HIVEP1: variants seen among roughly 807,000 people sequenced by gnomAD.
HIVEP1 encodes the protein zinc finger protein 40.
In HIVEP1, 36 loss-of-function variants were observed where a neutral mutation model predicts 180.0. The ratio of observed to expected loss-of-function variants is 0.20; its 90% CI spans 0.15 to 0.26. HIVEP1 has a LOEUF of 0.26. Among genes scored for constraint, HIVEP1 ranks in the 10% least tolerant of loss-of-function variants. The probability of loss-of-function intolerance (pLI) is 1.00; values close to 1 mark genes in which losing one functional copy is unlikely to be tolerated. For synonymous variants in HIVEP1, 1,239 were observed against 1,239.0 expected (o/e 1.00, Z 0.00); for missense variants, 3,143 against 3,268.7 (o/e 0.96, Z 0.94).
In HIVEP1 at chr6:12,121,916, C is replaced by T. The variant is rs376074096; in HGVS notation, c.2121C>T (p.Asn707=). The T allele has an allele frequency of 3.3e-5, 53 of 1,614,018 alleles. 2 individuals carry two copies. The highest frequency in any genetic ancestry group is 2.9e-4 in the South Asian group (26 of 91,084). The part of the protein sequence containing the change: ...PSTEQDSGRS[N]GPSAALVTTS... The stretch of plus-strand genomic sequence containing the variant: ...CAGAACAAGACTCTGGAAGGAGTAA[C>T]GGACCCTCTGCAGCTCTTGTCACCA... Residue 707 remains asparagine (N), a synonymous_variant, in exon 4 of 9, where the codon AAC becomes AAT. Transcript: ENST00000379388. This position sits in a 1 kb window ranked among gnomAD's most constrained non-coding sequence, Gnocchi z 5.3.
chr6:12,037,877 CTT>C (rs754239009), intron 2 of HIVEP1: 216 of 330,346 alleles, frequency 6.5e-4, no homozygotes, highest in South Asian at 1.6e-3. Flanking sequence ...TGCCTAGCTA[CTT>C]TTTTTTTTTG....
At chr6:12,156,238 A>G (rs1487812748) in intron 7 of HIVEP1, among the ~76,000 whole-genome samples, 2 of 152,096 alleles carry the variant, frequency 1.3e-5, no homozygotes, top group African/African-American at 2.4e-5. Flanking sequence ...GTTGTGCAGA[A>G]GCTCTGCAGT....
chr6:12,064,938 A>G (rs1458234977), intron 2 of HIVEP1, among the ~76,000 whole-genome samples: 1 of 152,218 alleles, frequency 6.6e-6, no homozygotes, highest in African/African-American at 2.4e-5. Context: ...CATATTGAGC[A>G]TATGCTGTGT....
chr6:12,175,119 C>G, the HIVEP1 span, among the ~76,000 whole-genome samples: 1 of 152,120 alleles, frequency 6.6e-6, no homozygotes. Flanking sequence ...AATACTATCT[C>G]AAGGCTTGTC....
intron 2 of HIVEP1, among the ~76,000 whole-genome samples, chr6:12,041,414 T>A (rs1273948313): frequency 1.2e-5 from 1 of 85,030 alleles, no homozygotes; most frequent in Admixed American, 1.9e-4. Context: ...AGAGCGAGAC[T>A]CCGTCTAAAA....
chr6:12,155,403 C>T (rs1581797569), intron 7 of HIVEP1, among the ~76,000 whole-genome samples: 1 of 151,626 alleles, frequency 6.6e-6, no homozygotes, highest in East Asian at 1.9e-4. Context: ...TCTTCCCCCA[C>T]ACCCCTATCA....
chr6:12,171,925 C>T, the HIVEP1 span, among the ~76,000 whole-genome samples: 4 of 152,104 alleles, frequency 2.6e-5, no homozygotes, highest in African/African-American at 9.7e-5. Context: ...CTTAGCTGTT[C>T]ACCCCTCCAC....
At chr6:12,078,366 A>G (rs1029241390) in intron 2 of HIVEP1, among the ~76,000 whole-genome samples, 8 of 152,122 alleles carry the variant, frequency 5.3e-5, no homozygotes, top group Non-Finnish European at 1.0e-4. Context: ...CAGTAGACCA[A>G]GCTTTTCTCA....
At chr6:12,092,811 A>C (rs958545933) in intron 3 of HIVEP1, among the ~76,000 whole-genome samples, 1 of 152,236 alleles carries the variant, frequency 6.6e-6, no homozygotes, top group Non-Finnish European at 1.5e-5. Context: ...TTATTTAAAC[A>C]AAGAATGATT....
chr6:12,128,469 T>A (rs189810750), intron 4 of HIVEP1, among the ~76,000 whole-genome samples: 2 of 152,296 alleles, frequency 1.3e-5, no homozygotes, highest in African/African-American at 4.8e-5. Context: ...ACAATGTAAT[T>A]TCTTAAAGGA....
chr6:12,062,412 A>G (rs1367277204), intron 2 of HIVEP1, among the ~76,000 whole-genome samples: 4 of 152,092 alleles, frequency 2.6e-5, no homozygotes, highest in African/African-American at 9.7e-5. Context: ...AACATTTATG[A>G]GTTATTAGAT....
chr6:12,106,365 G>C (rs989986454), intron 3 of HIVEP1, among the ~76,000 whole-genome samples: 4 of 151,668 alleles, frequency 2.6e-5, no homozygotes, highest in Admixed American at 6.6e-5. Context: ...TTTTTTTTCC[G>C]GGGGATGGTG....
At chr6:12,162,018 T>C (rs1581812306) in intron 8 of HIVEP1, 89 bp downstream of exon 8, 1 of 1,238,928 alleles carries the variant, frequency 8.1e-7, no homozygotes, top group East Asian at 2.3e-5. Flanking sequence ...AATAATGCAC[T>C]TAAGTGATTT....
chr6:12,207,415 C>T, the HIVEP1 span, among the ~76,000 whole-genome samples: 5 of 152,172 alleles, frequency 3.3e-5, no homozygotes, highest in East Asian at 9.6e-4. Context: ...TTCTCTTAAC[C>T]TTGATCTCTT....
rs893900491 is a variant in HIVEP1, at chr6:12,163,406, C to G, written c.7102C>G (p.Gln2368Glu). Residue 2368 changes from glutamine (Q) to glutamate (E), a missense_variant, in exon 9 of 9, where the codon CAG (glutamine) becomes GAG (glutamate). By Grantham distance (29) the Gln-to-Glu change is conservative. Coordinates refer to ENST00000379388, the MANE Select transcript of HIVEP1 (RefSeq NM_002114.4). ...PQEQKQQITLQPTPGLPSPHT... is the reference protein window; with the variant it reads ...PQEQKQQITLEPTPGLPSPHT... ...AGAACAGAAGCAGCAAATAACTCTA[C>G]AGCCGACTCCAGGCTTGCCTTCTCC... 9 of 1,614,090 alleles carry G rather than the reference C, an allele frequency of 5.6e-6. No individual in the cohort carries two copies. In the Admixed American group the frequency reaches 1.3e-4, roughly 24 times the overall value.
At chr6:12,055,884 T>C (rs1333544622) in intron 2 of HIVEP1, among the ~76,000 whole-genome samples, 2 of 152,246 alleles carry the variant, frequency 1.3e-5, no homozygotes, top group East Asian at 1.9e-4. Context: ...AGTGCTGTTA[T>C]AAAGTGAGCA....
chr6:12,010,524 A>T (rs1212894214), upstream of HIVEP1, among the ~76,000 whole-genome samples: 1 of 152,234 alleles, frequency 6.6e-6, no homozygotes, highest in African/African-American at 2.4e-5. Context: ...AAGTTTGCAC[A>T]GATGGCCAGC....
chr6:12,126,661 A>G (rs1758087507), intron 4 of HIVEP1, among the ~76,000 whole-genome samples: 1 of 152,210 alleles, frequency 6.6e-6, no homozygotes, highest in African/African-American at 2.4e-5. Context: ...GTTAATAAAC[A>G]TTTACAAATC....
At chr6:12,106,005 CACATATAT>C (rs1251726900) in intron 3 of HIVEP1, among the ~76,000 whole-genome samples, 2 of 151,124 alleles carry the variant, frequency 1.3e-5, no homozygotes, top group Non-Finnish European at 2.9e-5. Context: ...TATATATATA[CACATATAT>C]ACATATATAT....
Sources: allele counts gnomAD v4.1 joint callset (sites outside exome capture counted in the v4.1 genomes callset), GRCh38; gene constraint gnomAD v4.1.1; non-coding constraint Gnocchi (gnomAD v3.1); transcripts MANE v1.5; gene names NCBI Gene and HGNC (gene_info 2026-07-23, HGNC 2026-07-21).